The following CATSPERD variants were observed in gnomAD, a reference collection of about 807,000 sequenced individuals.
The protein encoded by CATSPERD is cation channel sperm-associated auxiliary subunit delta.
In CATSPERD, 86 loss-of-function variants were observed where a neutral mutation model predicts 98.1. The ratio of observed to expected loss-of-function variants is 0.88; its 90% CI spans 0.74 to 1.05. The LOEUF is 1.05. CATSPERD is among the 50% of genes least tolerant of loss of function. CATSPERD has a pLI of 0.00. For synonymous variants in CATSPERD, 394 were observed against 390.2 expected, an observed-to-expected ratio of 1.01 and a Z score of -0.12; for missense variants, 995 against 1,005.7, an observed-to-expected ratio of 0.99 and a Z score of 0.14.
intron 7 of CATSPERD, among the ~76,000 whole-genome samples, chr19:5,744,147 T>C (rs2056050759): frequency 3.3e-5 from 5 of 151,884 alleles, no homozygotes; most frequent in Admixed American, 3.3e-4. Context: ...ACCCGGCTAA[T>C]TTTTGTATTT....
intron 14 of CATSPERD, 92 bp from the exon 15 acceptor site, chr19:5,758,994 C>A: frequency 8.5e-7 from 1 of 1,176,314 alleles, no homozygotes; most frequent in Non-Finnish European, 1.3e-6. Flanking sequence ...CCCCATGTCC[C>A]CTCCAACACC....
intron 5 of CATSPERD, among the ~76,000 whole-genome samples, chr19:5,735,066 A>G (rs1035890706): frequency 2.0e-5 from 3 of 152,190 alleles, no homozygotes; most frequent in East Asian, 1.9e-4. Context: ...TTAGAAAAGA[A>G]GAGGATCGCC....
At chr19:5,776,894 A>T (rs981050625) in intron 21 of CATSPERD, among the ~76,000 whole-genome samples, 5 of 151,606 alleles carry the variant, frequency 3.3e-5, no homozygotes, top group Admixed American at 2.6e-4. Flanking sequence ...AAAAAAAAAA[A>T]TTCAGGAATC....
Position 5,720,737 on chromosome 19 carries a change from G to C in CATSPERD, c.-1G>C. Reference sequence around the variant, plus strand: ...AGTGGTGGCGGCGGAAGCCCAAGTCGATGCTGATGTTGATGCTGGTGGCGG... The same window carrying C: ...AGTGGTGGCGGCGGAAGCCCAAGTCCATGCTGATGTTGATGCTGGTGGCGG... On this transcript the variant is annotated 5_prime_UTR_variant, in exon 1 of 22. Transcript: ENST00000381624. 6.2e-7 allele frequency: 1 copy of C among 1,606,642 alleles called. No individual in the cohort carries two copies.
intron 16 of CATSPERD, 110 bp downstream of exon 16, chr19:5,763,403 T>G: frequency 1.3e-6 from 1 of 789,696 alleles, no homozygotes; most frequent in South Asian, 1.6e-5. Context: ...CACTCCAACC[T>G]GGGTGCAAGA....
At chr19:5,749,332 A>T in intron 11 of CATSPERD, 149 bp downstream of exon 11, 1 of 438,160 alleles carries the variant, frequency 2.3e-6, no homozygotes, top group Admixed American at 4.9e-5. Context: ...TCTCTACTAA[A>T]AATACAAAAA....
Position 5,751,658 on chromosome 19 carries a change from A to G in CATSPERD, c.999A>G (p.Gln333=). ...VPSSIIKFAD[Q]YIWSEDVALM... ...CATTTTCTTCTTAGTTTGCAGACCAATACATCTGGTCAGAAGACGTGGCCC... is the reference window on the plus strand; with the variant it reads ...CATTTTCTTCTTAGTTTGCAGACCAGTACATCTGGTCAGAAGACGTGGCCC... Residue 333 remains glutamine (Q), a synonymous_variant, in exon 12 of 22, where the codon CAA becomes CAG. Transcript: ENST00000381624. The G allele has an allele frequency of 6.3e-7, 1 of 1,587,946 alleles. No individual in the cohort carries two copies. The highest frequency in any genetic ancestry group is 1.1e-5 in the South Asian group (1 of 88,418).
intron 6 of CATSPERD, among the ~76,000 whole-genome samples, chr19:5,738,806 C>G (rs906142119): frequency 6.6e-6 from 1 of 152,140 alleles, no homozygotes; most frequent in Non-Finnish European, 1.5e-5. Context: ...AAACTCCTGG[C>G]CTCAAGTGAT....
In CATSPERD at chr19:5,733,967, TTAGG is replaced by T; in HGVS notation, c.391_391+3del. On this transcript the variant is annotated splice_donor_variant and coding_sequence_variant, in exon 5 of 22. Coordinates refer to ENST00000381624, the MANE Select transcript of CATSPERD (RefSeq NM_152784.4). LOFTEE classifies it high-confidence loss of function. Reference sequence around the variant, plus strand: ...TGAAAATAATTCTTGGAGCATGTCTTTAGGTATGTACATTTTGTATTTTTAAATT... The same window carrying T: ...TGAAAATAATTCTTGGAGCATGTCTTTATGTACATTTTGTATTTTTAAATT... 6.4e-7 allele frequency: 1 copy of T among 1,568,236 alleles called. No individual in the cohort carries two copies. Among genetic ancestry groups the T allele is most frequent in the Non-Finnish European group, 8.7e-7 (1 of 1,143,982 alleles).
chr19:5,733,330 T>TC (rs1568343635), intron 4 of CATSPERD, among the ~76,000 whole-genome samples: 2 of 140,630 alleles, frequency 1.4e-5, no homozygotes, highest in African/African-American at 2.6e-5. Flanking sequence ...TTTCTTTCTT[T>TC]CTTTCCTTTC....
chr19:5,759,160 G>C lies in CATSPERD; in HGVS notation c.1427+16G>C, dbSNP rs977506792. 6.2e-7 allele frequency: 1 copy of C among 1,612,950 alleles called. No homozygotes were observed. ...TCACTTCCAGGTATGTTGTCTCCTG[G>C]GAGAGGCGGGGACTGGGCTGCCTAC... On this transcript the variant is annotated intron_variant, in intron 15 of 21. Transcript: ENST00000381624.
chr19:5,774,681 T>C (rs961000018), intron 20 of CATSPERD, among the ~76,000 whole-genome samples: 6 of 150,680 alleles, frequency 4.0e-5, no homozygotes, highest in African/African-American at 1.5e-4. Context: ...AGAGCGAGGC[T>C]GTTTCTCAAA....
intron 7 of CATSPERD, among the ~76,000 whole-genome samples, chr19:5,743,056 C>A (rs1248443891): frequency 6.6e-5 from 10 of 152,194 alleles, no homozygotes. Context: ...GTAATCCCAG[C>A]ACTTTGGGAG....
chr19:5,758,573 C>CA (rs71172762), intron 14 of CATSPERD, among the ~76,000 whole-genome samples: 2,917 of 109,618 alleles, frequency 0.027, 122 homozygotes, highest in African/African-American at 0.095. Flanking sequence ...ACTAAAAATA[C>CA]AAAAAAAAAA....
At position 5,734,282 on chromosome 19, in the gene CATSPERD, C is replaced by T. The variant is rs181146003; in HGVS notation, c.391+312C>T. On this transcript the variant is annotated intron_variant, in intron 5 of 21. Transcript: ENST00000381624. ...ATTTGGGAGTCTGCGGTAGGCAGATCATCTGAGGTCAGGAGTTCGAGACCA... is the reference window on the plus strand; with the variant it reads ...ATTTGGGAGTCTGCGGTAGGCAGATTATCTGAGGTCAGGAGTTCGAGACCA... Among the ~76,000 whole-genome samples the T allele has an allele frequency of 3.3e-5, 5 of 152,292 alleles. No individual in the cohort carries two copies. In the East Asian group the frequency reaches 9.7e-4, roughly 29 times the overall value.
chr19:5,728,231 G>C (rs1182442849), intron 3 of CATSPERD, among the ~76,000 whole-genome samples: 4 of 151,284 alleles, frequency 2.6e-5, no homozygotes, highest in African/African-American at 9.7e-5. Flanking sequence ...GATGGCGCCC[G>C]CCTGTAGTCC....
At chr19:5,769,089 G>A (rs1280420511) in intron 18 of CATSPERD, among the ~76,000 whole-genome samples, 1 of 151,826 alleles carries the variant, frequency 6.6e-6, no homozygotes, top group Non-Finnish European at 1.5e-5. Flanking sequence ...GGGAGGCAGA[G>A]GTTGCAGTGA....
At chr19:5,767,407 T>C (rs1451559912) in intron 17 of CATSPERD, among the ~76,000 whole-genome samples, 5 of 148,070 alleles carry the variant, frequency 3.4e-5, no homozygotes, top group African/African-American at 9.9e-5. Context: ...AGCTGGGGTC[T>C]CTCAGGTTTT....
chr19:5,739,154 C>T (rs1246364716), intron 6 of CATSPERD, among the ~76,000 whole-genome samples, 172 bp from the exon 7 acceptor site: 3 of 152,202 alleles, frequency 2.0e-5, no homozygotes, highest in Non-Finnish European at 4.4e-5. Flanking sequence ...CGTGAGCCAC[C>T]GCACCTGGCG....
Sources: gnomAD v4.1 joint callset for allele counts (sites outside exome capture counted in the v4.1 genomes callset) on GRCh38, gnomAD v4.1.1 for gene constraint, MANE v1.5 for transcripts, NCBI Gene and HGNC (gene_info 2026-07-23, HGNC 2026-07-21) for gene names.